Variants in ST18 observed in about 807,000 individuals in gnomAD.
ST18 encodes suppression of tumorigenicity 18 protein.
ST18 carries 50 observed loss-of-function variants against 110.0 expected under a neutral mutation model. The ratio of observed to expected loss-of-function variants is 0.45; its 90% CI spans 0.36 to 0.58. The LOEUF is 0.58. Ranked by LOEUF, ST18 falls within the 20% of genes least tolerant of loss-of-function variation. The pLI is 0.00. For synonymous variants in ST18, 461 were observed against 452.4 expected, an observed-to-expected ratio of 1.02 and a Z score of -0.24; for missense variants, 1,306 against 1,280.1, an observed-to-expected ratio of 1.02 and a Z score of -0.31.
intron 8 of ST18, among the ~76,000 whole-genome samples, chr8:52,189,805 C>T (rs995798305): frequency 6.6e-5 from 10 of 152,128 alleles, no homozygotes; most frequent in Admixed American, 2.6e-4. Context: ...GAAAACCTGT[C>T]CCAGGGGGTG....
At chr8:52,162,361 G>C (rs979172183) in intron 13 of ST18, among the ~76,000 whole-genome samples, 9 of 152,180 alleles carry the variant, frequency 5.9e-5, no homozygotes, top group Admixed American at 5.9e-4. Flanking sequence ...ATTCTGTTCA[G>C]AAGTGATGCT....
chr8:52,124,883 G>A (rs2131097908), intron 23 of ST18, among the ~76,000 whole-genome samples: 1 of 152,148 alleles, frequency 6.6e-6, no homozygotes. Flanking sequence ...CTTGGATACT[G>A]CATGTCTTCT....
Position 52,379,900 on chromosome 8 carries a change from C to T in ST18, c.-465+29428G>A, listed in dbSNP as rs151308651. Reference sequence around the variant, plus strand: ...CACCTCCTGTTGTGATTGTGGTGAGCCCAAGTGTTGCTAGTATCTGCTTAA... The same window carrying T: ...CACCTCCTGTTGTGATTGTGGTGAGTCCAAGTGTTGCTAGTATCTGCTTAA... On this transcript the variant is annotated intron_variant, in intron 2 of 25. Coordinates refer to ENST00000689386, the MANE Select transcript of ST18 (RefSeq NM_001352837.2). 3.2e-3 allele frequency among the ~76,000 whole-genome samples: 484 copies of T among 152,294 alleles called. 3 individuals are homozygous for T. Among genetic ancestry groups the T allele is most frequent in the African/African-American group, 0.011 (467 of 41,562 alleles).
intron 2 of ST18, among the ~76,000 whole-genome samples, chr8:52,276,413 C>T (rs1375763020): frequency 6.6e-6 from 1 of 151,046 alleles, no homozygotes. Context: ...ACACACCACA[C>T]CCACACACCA....
At chr8:52,274,682 A>T (rs2138981898) in intron 2 of ST18, among the ~76,000 whole-genome samples, 2 of 152,324 alleles carry the variant, frequency 1.3e-5, no homozygotes, top group East Asian at 3.9e-4. Flanking sequence ...ATTGCATTCT[A>T]GTTGCACATA....
chr8:52,123,132 A>G (rs949370441), intron 23 of ST18, among the ~76,000 whole-genome samples: 1 of 152,218 alleles, frequency 6.6e-6, no homozygotes, highest in African/African-American at 2.4e-5. Context: ...CAATTTAATT[A>G]TGGCAAGGAT....
At chr8:52,151,938 A>C (rs2058918885) in intron 15 of ST18, among the ~76,000 whole-genome samples, 1 of 152,236 alleles carries the variant, frequency 6.6e-6, no homozygotes. Flanking sequence ...TTTCTCTGAA[A>C]AATATCAACT....
chr8:52,331,145 C>G (rs992905674), intron 2 of ST18, among the ~76,000 whole-genome samples: 16 of 152,076 alleles, frequency 1.1e-4, no homozygotes, highest in African/African-American at 3.6e-4. Context: ...CTCTTGTTTG[C>G]CAAGCCATCT....
intron 2 of ST18, among the ~76,000 whole-genome samples, chr8:52,376,598 A>T (rs1184639608): frequency 1.3e-5 from 2 of 152,168 alleles, no homozygotes; most frequent in Non-Finnish European, 2.9e-5. Context: ...TCACTTATTT[A>T]TTACTGCTAT....
intron 2 of ST18, among the ~76,000 whole-genome samples, chr8:52,352,468 C>A (rs1236725952): frequency 2.0e-5 from 3 of 152,218 alleles, no homozygotes; most frequent in Non-Finnish European, 2.9e-5. Flanking sequence ...TCACAATCCT[C>A]ATTTTCCCCA....
At chr8:52,157,268 T>A (rs1339733570) in intron 15 of ST18, among the ~76,000 whole-genome samples, 2 of 152,164 alleles carry the variant, frequency 1.3e-5, no homozygotes, top group East Asian at 3.9e-4. Flanking sequence ...AGATGGAGAA[T>A]CTGAAGGTGA....
chr8:52,359,598 A>G (rs1824781333), intron 2 of ST18, among the ~76,000 whole-genome samples: 1 of 152,156 alleles, frequency 6.6e-6, no homozygotes, highest in Non-Finnish European at 1.5e-5. Context: ...ATCTCCTTTT[A>G]ACAGATAAAG....
At chr8:52,171,493 G>T in intron 10 of ST18, 1 of 463,534 alleles carries the variant, frequency 2.2e-6, no homozygotes, top group African/African-American at 2.0e-5. Context: ...TTCCAATAAT[G>T]TCAAATAAAG....
At chr8:52,276,154 GCACCA>G (rs2095246249) in intron 2 of ST18, among the ~76,000 whole-genome samples, 1 of 13,760 alleles carries the variant, frequency 7.3e-5, no homozygotes, top group Non-Finnish European at 1.7e-4. Flanking sequence ...TGCACACCAC[GCACCA>G]CACATACCAT....
intron 2 of ST18, among the ~76,000 whole-genome samples, chr8:52,367,781 T>C (rs1828705518): frequency 6.6e-6 from 1 of 152,202 alleles, no homozygotes; most frequent in South Asian, 2.1e-4. Flanking sequence ...CATGAAAATA[T>C]GGTGCTTGAG....
chr8:52,187,327 G>A (rs1292133592), intron 8 of ST18, among the ~76,000 whole-genome samples: 1 of 152,182 alleles, frequency 6.6e-6, no homozygotes, highest in African/African-American at 2.4e-5. Context: ...AGCTCAGAGA[G>A]GTTGATTTGT....
intron 11 of ST18, among the ~76,000 whole-genome samples, chr8:52,165,539 G>T (rs370191876): frequency 2.0e-5 from 3 of 152,276 alleles, no homozygotes; most frequent in Admixed American, 1.3e-4. Context: ...TTTCCCTGGG[G>T]GATGGATGGA....
intron 2 of ST18, among the ~76,000 whole-genome samples, chr8:52,384,369 A>G (rs1835744268): frequency 1.3e-5 from 2 of 152,030 alleles, no homozygotes; most frequent in Admixed American, 1.3e-4. Flanking sequence ...GAGCGCCACA[A>G]TCCAGCTCCA....
At chr8:52,242,414 G>T (rs560636485) in intron 2 of ST18, among the ~76,000 whole-genome samples, 1 of 152,182 alleles carries the variant, frequency 6.6e-6, no homozygotes, top group Non-Finnish European at 1.5e-5. Context: ...CAGCCCCGGC[G>T]CATCACAGGC....
Sources: allele counts gnomAD v4.1 joint callset (sites outside exome capture counted in the v4.1 genomes callset), GRCh38; gene constraint gnomAD v4.1.1; transcripts MANE v1.5; gene names NCBI Gene and HGNC (gene_info 2026-07-23, HGNC 2026-07-21).